The following SATB1 variants were observed in gnomAD, a reference collection of about 807,000 sequenced individuals.
SATB1 encodes SATB homeobox 1.
Under a neutral mutation model 86.9 loss-of-function variants are expected in SATB1, and 11 were observed. That is an observed-to-expected ratio of 0.13 (90% confidence interval 0.08 to 0.21). SATB1 has a LOEUF of 0.21. SATB1 is among the 10% of genes least tolerant of loss of function. SATB1 has a pLI of 1.00. For missense variants in SATB1, 551 were observed against 937.6 expected, an observed-to-expected ratio of 0.59 and a Z score of 5.39; for synonymous variants, 357 against 357.2, an observed-to-expected ratio of 1.00 and a Z score of 0.01.
chr3:18,354,918 T>A (rs1694556577), intron 9 of SATB1, among the ~76,000 whole-genome samples: 1 of 152,154 alleles, frequency 6.6e-6, no homozygotes, highest in Admixed American at 6.5e-5. Flanking sequence ...CAGATCCTTA[T>A]TTTTATTAAT....
chr3:18,441,352 A>G (rs1386291602), upstream of SATB1, among the ~76,000 whole-genome samples: 1 of 152,200 alleles, frequency 6.6e-6, no homozygotes, highest in Non-Finnish European at 1.5e-5. Flanking sequence ...GTAAAAGGCA[A>G]TCTGGGGAGG....
At chr3:18,376,230 A>G (rs1695745349) in intron 9 of SATB1, among the ~76,000 whole-genome samples, 1 of 151,330 alleles carries the variant, frequency 6.6e-6, no homozygotes, top group African/African-American at 2.4e-5. Context: ...CAAAGATAGC[A>G]AAGGAATTAT....
At chr3:18,389,261 G>GGT (rs1553620270) in intron 7 of SATB1, among the ~76,000 whole-genome samples, 1 of 129,724 alleles carries the variant, frequency 7.7e-6, no homozygotes, top group Non-Finnish European at 1.6e-5. Context: ...AAACCTTTGG[G>GGT]TTTTTTTTTT....
At chr3:18,391,512 A>G (rs1460951432) in intron 7 of SATB1, among the ~76,000 whole-genome samples, 3 of 142,694 alleles carry the variant, frequency 2.1e-5, no homozygotes, top group East Asian at 2.2e-4. Flanking sequence ...ATATCTCCCA[A>G]TGCTATCCCT....
At chr3:18,382,611 G>T (rs188452324) in intron 8 of SATB1, among the ~76,000 whole-genome samples, 4 of 152,266 alleles carry the variant, frequency 2.6e-5, no homozygotes, top group Admixed American at 2.6e-4. Flanking sequence ...AAGCTGGGAG[G>T]ACTGGGTTCT....
At chr3:18,436,867 A>G (rs1699082844) in exon 2 of SATB1, 1 of 152,110 alleles carries the variant, frequency 6.6e-6, no homozygotes, top group South Asian at 2.1e-4. Flanking sequence ...ACGAGGTTAC[A>G]AGATCTACAA....
At chr3:18,378,420 T>G in intron 8 of SATB1, 95 bp from the exon 9 acceptor site, 2 of 1,218,288 alleles carry the variant, frequency 1.6e-6, no homozygotes, top group Non-Finnish European at 2.3e-6. Context: ...CTGTTGTTCC[T>G]TTTATGATCA....
chr3:18,357,563 T>TA (rs1694708410), intron 9 of SATB1, among the ~76,000 whole-genome samples: 2 of 120,942 alleles, frequency 1.7e-5, no homozygotes, highest in South Asian at 2.5e-4. Context: ...TTTTTTTTTT[T>TA]AAATAAAGCT....
chr3:18,384,563 C>T (rs1316176725), intron 8 of SATB1, among the ~76,000 whole-genome samples: 4 of 151,762 alleles, frequency 2.6e-5, no homozygotes, highest in African/African-American at 9.7e-5. Flanking sequence ...AAGTAATTCT[C>T]TGCTCAGAGC....
At chr3:18,415,482 G>A in intron 4 of SATB1, among the ~76,000 whole-genome samples, 1 of 152,016 alleles carries the variant, frequency 6.6e-6, no homozygotes, top group East Asian at 1.9e-4. Context: ...CTGCTCTGAT[G>A]CGCTTGGGAA....
upstream of SATB1, chr3:18,425,382 A>AGAGGAGGAAGGGGGTGCGGAGCC (rs1698641758): frequency 7.0e-6 from 1 of 143,348 alleles, no homozygotes; most frequent in Non-Finnish European, 1.5e-5. Flanking sequence ...AGGGGGGAGG[A>AGAGGAGGAAGGGGGTGCGGAGCC]GAGGAGGAAG....
intron 8 of SATB1, among the ~76,000 whole-genome samples, chr3:18,378,584 T>C (rs187577518): frequency 1.3e-5 from 2 of 152,288 alleles, no homozygotes; most frequent in East Asian, 3.9e-4. Context: ...TAAAGTAAGT[T>C]TTCTGGAAAA....
intron 9 of SATB1, among the ~76,000 whole-genome samples, chr3:18,368,904 G>A (rs1177485741): frequency 6.6e-6 from 1 of 152,002 alleles, no homozygotes; most frequent in Non-Finnish European, 1.5e-5. Context: ...GCCTTCTTAT[G>A]GATCCAATTA....
chr3:18,364,128 T>C (rs772497415), intron 9 of SATB1, among the ~76,000 whole-genome samples: 4 of 152,196 alleles, frequency 2.6e-5, no homozygotes, highest in Admixed American at 6.5e-5. Context: ...ATAAAATACA[T>C]ATATATTTTT....
Position 18,345,854 on chromosome 3 carries a change from A to C in SATB1, c.*3316T>G, listed in dbSNP as rs564473564. ...AATATTGTGACAATCAAAGACCTTA[A>C]TATCAGCCAGATGCTAACAATTGGG... On this transcript the variant is annotated 3_prime_UTR_variant, in exon 11 of 11. Transcript: ENST00000338745. 1 of 152,246 alleles carries C rather than the reference A, an allele frequency of 6.6e-6. No homozygotes were observed. The highest frequency in any genetic ancestry group is 2.1e-4 in the South Asian group (1 of 4,826). 9.4% of individuals were successfully genotyped at this position (152,246 alleles called of 1,614,324 possible).
chr3:18,350,892 C>A (rs1694325568), intron 10 of SATB1: 1 of 241,578 alleles, frequency 4.1e-6, no homozygotes, highest in African/African-American at 2.3e-5. Flanking sequence ...CACAGAAATA[C>A]AAAAAAATTG....
At chr3:18,358,643 A>G (rs1482864597) in intron 9 of SATB1, among the ~76,000 whole-genome samples, 2 of 152,056 alleles carry the variant, frequency 1.3e-5, no homozygotes, top group Non-Finnish European at 2.9e-5. Flanking sequence ...ACGGGTTTTA[A>G]AAAGGAAATA....
At chr3:18,409,923 T>C (rs1697747199) in intron 5 of SATB1, among the ~76,000 whole-genome samples, 1 of 152,068 alleles carries the variant, frequency 6.6e-6, no homozygotes, top group Non-Finnish European at 1.5e-5. Flanking sequence ...CTGCCCACTA[T>C]TTCTAATGAA....
chr3:18,419,341 C>T (rs1363933274), intron 2 of SATB1, among the ~76,000 whole-genome samples: 1 of 152,138 alleles, frequency 6.6e-6, no homozygotes, highest in Non-Finnish European at 1.5e-5. Context: ...AAGGGGAGAG[C>T]ACTGGTCACT....
Sources: allele counts gnomAD v4.1 joint callset (sites outside exome capture counted in the v4.1 genomes callset), GRCh38; gene constraint gnomAD v4.1.1; transcripts MANE v1.5; gene names NCBI Gene and HGNC (gene_info 2026-07-23, HGNC 2026-07-21).